Variants in ORC2 observed in about 807,000 individuals in gnomAD.
The protein encoded by ORC2 is origin recognition complex protein 2 homolog.
A neutral mutation model predicts 77.7 loss-of-function variants in ORC2; 37 were observed. That is an observed-to-expected ratio of 0.48 (90% confidence interval 0.37 to 0.63). ORC2 has a LOEUF of 0.63. Ranked by LOEUF, ORC2 falls within the 20% of genes least tolerant of loss-of-function variation. The pLI is 0.00. For synonymous variants in ORC2, 201 were observed against 229.5 expected (o/e 0.88, Z 1.12); for missense variants, 557 against 661.9 (o/e 0.84, Z 1.74).
At chr2:200,957,853 T>C (rs932113791) in intron 3 of ORC2, among the ~76,000 whole-genome samples, 177 bp downstream of exon 3, 2 of 152,176 alleles carry the variant, frequency 1.3e-5, no homozygotes, top group African/African-American at 4.8e-5. Flanking sequence ...TACTGAACAT[T>C]TTCAATTAAA....
chr2:200,952,651 G>A (rs968895771), intron 4 of ORC2, among the ~76,000 whole-genome samples: 5 of 152,038 alleles, frequency 3.3e-5, no homozygotes, highest in African/African-American at 1.2e-4. Context: ...TAAATAAGGT[G>A]AGAATGAGAA....
intron 13 of ORC2, among the ~76,000 whole-genome samples, chr2:200,924,449 AAATG>A (rs2040810023): frequency 6.6e-6 from 1 of 152,016 alleles, no homozygotes; most frequent in Non-Finnish European, 1.5e-5. Context: ...GTTGGAAACA[AAATG>A]AAGACAAAAC....
intron 3 of ORC2, 26 bp from the exon 4 acceptor site, chr2:200,957,570 G>C (rs2041493449): frequency 2.6e-6 from 4 of 1,527,128 alleles, no homozygotes; most frequent in Non-Finnish European, 2.6e-6. Context: ...AAGAAATAGA[G>C]CATGACAGGT....
chr2:200,941,045 G>C (rs1259707988), intron 7 of ORC2, among the ~76,000 whole-genome samples: 1 of 152,126 alleles, frequency 6.6e-6, no homozygotes, highest in African/African-American at 2.4e-5. Flanking sequence ...CTCCTTCCTA[G>C]TCAAGTGAAC....
chr2:200,944,556 G>A (rs1184561563), intron 5 of ORC2, among the ~76,000 whole-genome samples: 1 of 151,894 alleles, frequency 6.6e-6, no homozygotes, highest in African/African-American at 2.4e-5. Flanking sequence ...ATAAGCACCA[G>A]GCACAATGCC....
intron 15 of ORC2, among the ~76,000 whole-genome samples, 173 bp from the exon 16 acceptor site, chr2:200,914,165 C>CTT (rs1158874227): frequency 1.8e-4 from 24 of 134,842 alleles, no homozygotes; most frequent in East Asian, 4.2e-4. Context: ...TTTCTAATTT[C>CTT]TTTTTTTTTT....
rs1270847289 is a variant in ORC2, at chr2:200,910,074, A to G, written c.*1227T>C. ...CATTATGCCTGGCCAAAATTACTTA[A>G]TTATATGCCACAAGAAAAATTATTT... On this transcript the variant is annotated 3_prime_UTR_variant, in exon 18 of 18. Coordinates refer to ENST00000234296, the MANE Select transcript of ORC2 (RefSeq NM_006190.5). 1 of 152,236 alleles carries G rather than the reference A, an allele frequency of 6.6e-6. No individual in the cohort carries two copies. The highest frequency in any genetic ancestry group is 1.5e-5 in the Non-Finnish European group (1 of 68,042). The allele number at this position is 152,236 out of a possible 1,614,324, so 9.4% of individuals were successfully genotyped here. A position where few individuals can be genotyped will look rare whatever the true frequency, so the allele number is the denominator to read the frequency against.
chr2:200,941,195 A>T (rs1291330196), intron 7 of ORC2, 53 bp downstream of exon 7: 1 of 1,453,486 alleles, frequency 6.9e-7, no homozygotes, highest in African/African-American at 1.4e-5. Context: ...GCAATTTTTC[A>T]TCATGTCTTA....
intron 4 of ORC2, among the ~76,000 whole-genome samples, chr2:200,949,921 G>T (rs764455446): frequency 6.6e-6 from 1 of 152,172 alleles, no homozygotes; most frequent in Non-Finnish European, 1.5e-5. Flanking sequence ...TCAATTCCTA[G>T]TAACAGTTGT....
At chr2:200,951,258 C>G (rs1445246367) in intron 4 of ORC2, among the ~76,000 whole-genome samples, 2 of 152,186 alleles carry the variant, frequency 1.3e-5, no homozygotes, top group African/African-American at 4.8e-5. Flanking sequence ...TTTGTTCATC[C>G]ATTCATCTAC....
At position 200,920,997 on chromosome 2, in the gene ORC2, A is replaced by C; in HGVS notation, c.1290T>G (p.Pro430=). Residue 430 remains proline (P), a synonymous_variant, in exon 14 of 18, where the codon CCT becomes CCG. Transcript: ENST00000234296. Reference sequence around the variant, plus strand: ...AAATAGTAACAATTAACTTACTGAGAGGAGCATTGAGGTGGTCAATGGATG... The same window carrying C: ...AAATAGTAACAATTAACTTACTGAGCGGAGCATTGAGGTGGTCAATGGATG... The part of the protein sequence containing the change: ...LIASIDHLNA[P]LMWDHAKQSL... 1 of 1,561,468 alleles carries C rather than the reference A, an allele frequency of 6.4e-7. No homozygotes were observed. Among genetic ancestry groups the C allele is most frequent in the South Asian group, 1.3e-5 (1 of 79,486 alleles).
chr2:200,953,905 C>T (rs557054100), intron 4 of ORC2, among the ~76,000 whole-genome samples: 3 of 152,292 alleles, frequency 2.0e-5, no homozygotes, highest in Non-Finnish European at 4.4e-5. Context: ...CAGCCTCAAC[C>T]TCCTGGGCTC....
intron 1 of ORC2, among the ~76,000 whole-genome samples, chr2:200,962,068 CT>C (rs1261688644): frequency 6.6e-6 from 1 of 152,196 alleles, no homozygotes; most frequent in Non-Finnish European, 1.5e-5. Context: ...CAAACATTTC[CT>C]TTTCTAATTT....
chr2:200,929,947 C>T (rs2124971483), intron 11 of ORC2, among the ~76,000 whole-genome samples: 1 of 152,210 alleles, frequency 6.6e-6, no homozygotes, highest in South Asian at 2.1e-4. Flanking sequence ...GAATTATTTA[C>T]AGGACACCCA....
In ORC2 at chr2:200,957,492, T is replaced by C. The variant is rs758062315; in HGVS notation, c.147A>G (p.Ile49Met). 11 of 1,611,318 alleles carry C rather than the reference T, an allele frequency of 6.8e-6. No individual in the cohort carries two copies. The East Asian group carries it at 2.0e-4, about 30-fold the overall frequency. ...CCAAATCATATTCTGGCTTCTTTAT[T>C]ATTTTTTTGGGGTTGACCAAAAGCT... ...RAQLLVNPKK[I>M]IKKPEYDLEE... Residue 49 changes from isoleucine (I) to methionine (M), a missense_variant, in exon 4 of 18, where the codon ATA (isoleucine) becomes ATG (methionine). By Grantham distance (10) the Ile-to-Met change is conservative (BLOSUM62 1). Coordinates refer to ENST00000234296, the MANE Select transcript of ORC2 (RefSeq NM_006190.5).
At chr2:200,953,346 T>C (rs1199562482) in intron 4 of ORC2, among the ~76,000 whole-genome samples, 1 of 151,786 alleles carries the variant, frequency 6.6e-6, no homozygotes, top group Middle Eastern at 3.2e-3. Context: ...CCTCTGAGAA[T>C]TTAACGATAT....
At chr2:200,953,404 G>A (rs1177767052) in intron 4 of ORC2, among the ~76,000 whole-genome samples, 1 of 145,652 alleles carries the variant, frequency 6.9e-6, no homozygotes, top group East Asian at 1.9e-4. Context: ...CCATTAAAAG[G>A]GCTACTGTTT....
intron 7 of ORC2, among the ~76,000 whole-genome samples, 194 bp from the exon 8 acceptor site, chr2:200,938,160 C>A (rs1240336259): frequency 2.0e-5 from 3 of 152,148 alleles, no homozygotes; most frequent in Non-Finnish European, 2.9e-5. Context: ...TCCCAAGTAG[C>A]TGTGATTATA....
At chr2:200,950,857 A>C (rs2041341880) in intron 4 of ORC2, among the ~76,000 whole-genome samples, 1 of 152,192 alleles carries the variant, frequency 6.6e-6, no homozygotes, top group African/African-American at 2.4e-5. Context: ...CAAACTCCTT[A>C]ATCTTTGTCA....
Sources: allele counts gnomAD v4.1 joint callset (sites outside exome capture counted in the v4.1 genomes callset), GRCh38; gene constraint gnomAD v4.1.1; transcripts MANE v1.5; gene names NCBI Gene and HGNC (gene_info 2026-07-23, HGNC 2026-07-21).